PARD6G: variants seen among roughly 807,000 people sequenced by gnomAD.
PARD6G encodes the protein partitioning defective 6 homolog gamma.
In PARD6G, 7 loss-of-function variants were observed where a neutral mutation model predicts 10.7. That is an observed-to-expected ratio of 0.66 (90% CI 0.37 to 1.23). The LOEUF (loss-of-function observed/expected upper bound fraction) is 1.23. PARD6G is among the 50% of genes most tolerant of loss of function. The pLI, the probability that PARD6G is intolerant of heterozygous loss-of-function variation, is 0.02. For missense variants in PARD6G, 548 were observed against 571.8 expected, an observed-to-expected ratio of 0.96 and a Z score of 0.42; for synonymous variants, 287 against 269.4, an observed-to-expected ratio of 1.07 and a Z score of -0.64.
intron 2 of PARD6G, chr18:80,162,040 A>G (rs1199800205): frequency 6.6e-6 from 1 of 152,266 alleles, no homozygotes; most frequent in Non-Finnish European, 1.5e-5. Flanking sequence ...GGCTGCCTAG[A>G]CAACGAGAAG....
intron 1 of PARD6G, among the ~76,000 whole-genome samples, chr18:80,236,843 T>C (rs1041253768): frequency 6.6e-6 from 1 of 151,998 alleles, no homozygotes; most frequent in African/African-American, 2.4e-5. Context: ...CTCAATGAAA[T>C]AAAAGAGGAT....
chr18:80,196,888 AT>A (rs1280968624), intron 2 of PARD6G, among the ~76,000 whole-genome samples: 96 of 68,744 alleles, frequency 1.4e-3, no homozygotes, highest in African/African-American at 5.9e-3. Flanking sequence ...TTTTTCTTTT[AT>A]TAAAAAAAAA....
intron 1 of PARD6G, among the ~76,000 whole-genome samples, chr18:80,217,632 A>G (rs954039367): frequency 2.0e-5 from 3 of 152,202 alleles, no homozygotes; most frequent in African/African-American, 4.8e-5. Flanking sequence ...ACAAATCTCA[A>G]TTGAGGGACA....
At chr18:80,177,047 A>ACACC (rs770060653) in intron 2 of PARD6G, among the ~76,000 whole-genome samples, 2 of 144,458 alleles carry the variant, frequency 1.4e-5, no homozygotes, top group African/African-American at 2.6e-5. Flanking sequence ...ACACACACAC[A>ACACC]CCACAGTATA....
At chr18:80,205,842 C>T (rs1388601194) in intron 1 of PARD6G, among the ~76,000 whole-genome samples, 1 of 152,192 alleles carries the variant, frequency 6.6e-6, no homozygotes, top group East Asian at 1.9e-4. Context: ...AAAGCAATTT[C>T]CTTGTATCAC....
rs1449168851 is a variant in PARD6G at position 80,189,322 on chromosome 18, C to T, written c.295+13388G>A. 1.3e-5 allele frequency: 2 copies of T among 152,244 alleles called. No homozygotes were observed. The highest frequency in any genetic ancestry group is 2.9e-5 in the Non-Finnish European group (2 of 68,044). 9.4% of individuals were successfully genotyped at this position (152,244 alleles called of 1,614,324 possible). A position where few individuals can be genotyped will look rare whatever the true frequency, so the allele number is the denominator to read the frequency against. ...AACAAAGAGGCCTGGGGCACGTCAA[C>T]GTGGTCCTCATCGGACTGGCCAATG... On this transcript the variant is annotated intron_variant, in intron 2 of 2. Coordinates refer to ENST00000353265, the MANE Select transcript of PARD6G (RefSeq NM_032510.4). The surrounding 1 kb of genome is among the most constrained non-coding windows in gnomAD (Gnocchi z 5.5).
chr18:80,208,992 T>A (rs1270756444), intron 1 of PARD6G, among the ~76,000 whole-genome samples: 1 of 152,056 alleles, frequency 6.6e-6, no homozygotes. Flanking sequence ...CCCAGCTACT[T>A]GGGAGGGTGC....
At chr18:80,177,089 C>T (rs1287949617) in intron 2 of PARD6G, among the ~76,000 whole-genome samples, 1 of 150,808 alleles carries the variant, frequency 6.6e-6, no homozygotes, top group Non-Finnish European at 1.5e-5. Context: ...CGCGCACACA[C>T]ACACACACGG....
intron 2 of PARD6G, among the ~76,000 whole-genome samples, chr18:80,179,627 T>C (rs1189090813): frequency 6.6e-6 from 1 of 152,166 alleles, no homozygotes; most frequent in Non-Finnish European, 1.5e-5. Flanking sequence ...GGCGAGTTGT[T>C]AGGAGCATGA....
chr18:80,193,670 A>C (rs1019028908), intron 2 of PARD6G, among the ~76,000 whole-genome samples: 4 of 152,216 alleles, frequency 2.6e-5, no homozygotes, highest in Non-Finnish European at 5.9e-5. Flanking sequence ...CCAGTATAAA[A>C]AGTAAGTCAT....
chr18:80,167,090 CACAATT>C (rs2145246686), intron 2 of PARD6G, among the ~76,000 whole-genome samples: 1 of 152,296 alleles, frequency 6.6e-6, no homozygotes, highest in African/African-American at 2.4e-5. Context: ...AGTGACAGTT[CACAATT>C]ACAAGTGACA....
rs891927092 is a variant in PARD6G at position 80,182,584 on chromosome 18, T to C, written c.295+20126A>G. On this transcript the variant is annotated intron_variant, in intron 2 of 2. Transcript: ENST00000353265. This position sits in a 1 kb window ranked among gnomAD's most constrained non-coding sequence, Gnocchi z 4.5. ...CTAAAAATCAAGTCACACTTAAAGG[T>C]AGTGTTTTTGGCCAATTTGTTCTGA... 6.6e-5 allele frequency among the ~76,000 whole-genome samples: 10 copies of C among 152,230 alleles called. No homozygotes were observed. Among genetic ancestry groups the C allele is most frequent in the African/African-American group, 2.4e-4 (10 of 41,462 alleles).
intron 1 of PARD6G, among the ~76,000 whole-genome samples, chr18:80,229,536 C>T (rs1967334775): frequency 6.6e-6 from 1 of 152,070 alleles, no homozygotes; most frequent in South Asian, 2.1e-4. Flanking sequence ...GAAGCATTCC[C>T]TGGAGCCAGC....
At chr18:80,240,908 T>C (rs1161724944) in intron 1 of PARD6G, among the ~76,000 whole-genome samples, 1 of 152,170 alleles carries the variant, frequency 6.6e-6, no homozygotes, top group Admixed American at 6.5e-5. Context: ...GGCAGGGATG[T>C]TGTACGTTTT....
At chr18:80,199,072 G>A (rs755196420) in intron 2 of PARD6G, among the ~76,000 whole-genome samples, 1 of 152,102 alleles carries the variant, frequency 6.6e-6, no homozygotes, top group African/African-American at 2.4e-5. Flanking sequence ...GCCCATTCTG[G>A]ACTTTTCACA....
At chr18:80,225,492 C>G (rs763732336) in intron 1 of PARD6G, among the ~76,000 whole-genome samples, 1 of 152,170 alleles carries the variant, frequency 6.6e-6, no homozygotes, top group Non-Finnish European at 1.5e-5. Flanking sequence ...ACTGAATGTC[C>G]CCTTCACAGT....
chr18:80,224,739 T>G (rs374349242), intron 1 of PARD6G, among the ~76,000 whole-genome samples: 2 of 151,806 alleles, frequency 1.3e-5, no homozygotes, highest in African/African-American at 4.8e-5. Context: ...CCCAGCTACT[T>G]GGGAGGCTGA....
At position 80,175,356 on chromosome 18, in the gene PARD6G, G is replaced by A. The variant is rs969122680; in HGVS notation, c.296-14750C>T. On this transcript the variant is annotated intron_variant, in intron 2 of 2. Coordinates refer to ENST00000353265, the MANE Select transcript of PARD6G (RefSeq NM_032510.4). This position sits in a 1 kb window ranked among gnomAD's most constrained non-coding sequence, Gnocchi z 6.7. ...AAAGTCCCATATCAAGGTCCGGCTT[G>A]TAACAGTTTCTGGGGAGGGCTCTCT... is the stretch of plus-strand genomic sequence containing the variant. 6.6e-6 allele frequency among the ~76,000 whole-genome samples: 1 copy of A among 152,216 alleles called. No homozygotes were observed. Among genetic ancestry groups the A allele is most frequent in the Admixed American group, 6.5e-5 (1 of 15,290 alleles).
intron 1 of PARD6G, among the ~76,000 whole-genome samples, chr18:80,214,656 T>G (rs1054558453): frequency 9.2e-5 from 14 of 151,742 alleles, no homozygotes; most frequent in African/African-American, 3.4e-4. Context: ...TACATTGAGA[T>G]TATCCAATCA....
Sources: allele counts gnomAD v4.1 joint callset (sites outside exome capture counted in the v4.1 genomes callset), GRCh38; gene constraint gnomAD v4.1.1; non-coding constraint Gnocchi (gnomAD v3.1); transcripts MANE v1.5; gene names NCBI Gene and HGNC (gene_info 2026-07-23, HGNC 2026-07-21).